Variants in TASP1 observed in about 807,000 individuals in gnomAD.
The protein encoded by TASP1 is threonine aspartase 1.
A neutral mutation model predicts 56.6 loss-of-function variants in TASP1; 16 were observed. The observed-to-expected ratio is 0.28, with a 90% CI of 0.19 to 0.43. The LOEUF is 0.43. TASP1 is among the 20% of genes least tolerant of loss of function. The pLI, the probability that TASP1 is intolerant of heterozygous loss-of-function variation, is 1.00. For missense variants in TASP1, 393 were observed against 511.6 expected (o/e 0.77, Z 2.24); for synonymous variants, 179 against 184.2 (o/e 0.97, Z 0.23).
the TASP1 span, among the ~76,000 whole-genome samples, chr20:13,338,866 T>C: frequency 6.6e-6 from 1 of 152,068 alleles, no homozygotes; most frequent in Admixed American, 6.6e-5. Context: ...GCAATTGAAT[T>C]GCTTCTCCAC....
chr20:13,395,710 CT>C (rs1156938988), intron 13 of TASP1, among the ~76,000 whole-genome samples: 1 of 78,922 alleles, frequency 1.3e-5, no homozygotes, highest in Non-Finnish European at 2.7e-5. Context: ...TTTTTTTTTT[CT>C]TTTTTCTTGA....
At chr20:13,199,418 C>A in the TASP1 span, among the ~76,000 whole-genome samples, 6 of 152,068 alleles carry the variant, frequency 3.9e-5, 1 homozygote, top group Admixed American at 3.9e-4. Flanking sequence ...TCCATGCATT[C>A]AAAAAATACA....
At chr20:13,444,176 T>C (rs2043317633) in intron 11 of TASP1, among the ~76,000 whole-genome samples, 1 of 152,184 alleles carries the variant, frequency 6.6e-6, no homozygotes, top group Non-Finnish European at 1.5e-5. Flanking sequence ...CAGCATTACC[T>C]GACACTAGAC....
chr20:13,588,860 C>A (rs1445190017), intron 4 of TASP1, among the ~76,000 whole-genome samples: 2 of 152,020 alleles, frequency 1.3e-5, no homozygotes, highest in Non-Finnish European at 2.9e-5. Flanking sequence ...CCAAAACAAT[C>A]TTGAAAAGAA....
At chr20:13,357,046 T>C in the TASP1 span, among the ~76,000 whole-genome samples, 1 of 152,336 alleles carries the variant, frequency 6.6e-6, no homozygotes. Flanking sequence ...TGAATGCTAC[T>C]GTGAGCCAAG....
the TASP1 span, among the ~76,000 whole-genome samples, chr20:13,181,655 A>G: frequency 2.6e-5 from 4 of 152,188 alleles, no homozygotes; most frequent in Non-Finnish European, 5.9e-5. Flanking sequence ...GATGAGACAT[A>G]TTACCCACTT....
intron 11 of TASP1, among the ~76,000 whole-genome samples, chr20:13,460,842 C>T (rs1359156439): frequency 6.6e-6 from 1 of 152,158 alleles, no homozygotes; most frequent in African/African-American, 2.4e-5. Flanking sequence ...GCCTAATAGC[C>T]TCCTATCTAG....
At chr20:13,247,046 G>C in the TASP1 span, among the ~76,000 whole-genome samples, 3 of 152,026 alleles carry the variant, frequency 2.0e-5, no homozygotes, top group Non-Finnish European at 4.4e-5. Flanking sequence ...GACCAGTCTG[G>C]CCAACATGGT....
At chr20:13,481,647 T>C (rs1639537912) in intron 11 of TASP1, among the ~76,000 whole-genome samples, 1 of 152,234 alleles carries the variant, frequency 6.6e-6, no homozygotes, top group Admixed American at 6.5e-5. Flanking sequence ...CATTGTAGTT[T>C]TGATTTGCAT....
At chr20:13,135,870 T>A in the TASP1 span, among the ~76,000 whole-genome samples, 1 of 152,208 alleles carries the variant, frequency 6.6e-6, no homozygotes, top group African/African-American at 2.4e-5. Flanking sequence ...GCCAGGCTGG[T>A]GGGATAATCA....
At chr20:13,431,947 C>T (rs937216938) in intron 12 of TASP1, among the ~76,000 whole-genome samples, 6 of 152,166 alleles carry the variant, frequency 3.9e-5, no homozygotes, top group Non-Finnish European at 8.8e-5. Flanking sequence ...TCACATGCAG[C>T]CCCTTGGCCT....
intron 10 of TASP1, among the ~76,000 whole-genome samples, chr20:13,512,012 A>G (rs2044348798): frequency 6.6e-6 from 1 of 152,096 alleles, no homozygotes; most frequent in Non-Finnish European, 1.5e-5. Context: ...CCATTGATGG[A>G]CACTTGGGTT....
chr20:13,475,809 T>C (rs1177452092), intron 11 of TASP1, among the ~76,000 whole-genome samples: 1 of 151,784 alleles, frequency 6.6e-6, no homozygotes, highest in African/African-American at 2.4e-5. Flanking sequence ...GGCAGGAGAA[T>C]CACTTGAACC....
chr20:13,391,962 C>T lies in TASP1; in HGVS notation c.1171-1510G>A, dbSNP rs1478497281. Among the ~76,000 whole-genome samples the T allele has an allele frequency of 6.6e-5, 9 of 137,062 alleles. No individual in the cohort carries two copies. In the East Asian group the frequency reaches 1.6e-3, roughly 25 times the overall value. The allele number at this position is 137,062 out of a possible 152,430, so 89.9% of individuals were successfully genotyped here. On this transcript the variant is annotated intron_variant, in intron 13 of 13. Transcript: ENST00000337743. ...GAGCCTGGGCGACAGAGCGAGACTC[C>T]GTCTCAAAAAAAAAAAAAAAAAGAA...
At chr20:13,342,185 C>G in the TASP1 span, among the ~76,000 whole-genome samples, 1 of 152,190 alleles carries the variant, frequency 6.6e-6, no homozygotes, top group Non-Finnish European at 1.5e-5. Flanking sequence ...TTTTCTGGAG[C>G]CACACATGTG....
At chr20:13,349,386 T>C in the TASP1 span, among the ~76,000 whole-genome samples, 2 of 152,232 alleles carry the variant, frequency 1.3e-5, no homozygotes, top group African/African-American at 4.8e-5. Flanking sequence ...TCAGAATAGC[T>C]AGAAAAGTTT....
chr20:13,428,232 A>G (rs1342265389), intron 12 of TASP1, among the ~76,000 whole-genome samples: 1 of 152,138 alleles, frequency 6.6e-6, no homozygotes, highest in Non-Finnish European at 1.5e-5. Flanking sequence ...GCTCCCAACA[A>G]CACATGTTTT....
At chr20:13,396,582 T>C (rs1207284237) in intron 13 of TASP1, among the ~76,000 whole-genome samples, 1 of 142,554 alleles carries the variant, frequency 7.0e-6, no homozygotes, top group Non-Finnish European at 1.5e-5. Flanking sequence ...ATTTAGCTTG[T>C]GTATACATTG....
chr20:13,478,370 C>T (rs1470200631), intron 11 of TASP1, among the ~76,000 whole-genome samples: 12 of 149,786 alleles, frequency 8.0e-5, no homozygotes, highest in Admixed American at 2.0e-4. Flanking sequence ...CACACACACA[C>T]ACACGAATAC....
Sources: allele counts gnomAD v4.1 joint callset (sites outside exome capture counted in the v4.1 genomes callset), GRCh38; gene constraint gnomAD v4.1.1; transcripts MANE v1.5; gene names NCBI Gene and HGNC (gene_info 2026-07-23, HGNC 2026-07-21).